Variants in PPP2R2C observed in about 807,000 individuals in gnomAD.
PPP2R2C encodes the protein protein phosphatase 2 regulatory subunit Bgamma.
Under a neutral mutation model 45.3 loss-of-function variants are expected in PPP2R2C, and 10 were observed. That is an observed-to-expected ratio of 0.22 (90% CI 0.14 to 0.37). PPP2R2C has a LOEUF of 0.37. Ranked by LOEUF, PPP2R2C falls within the 10% of genes least tolerant of loss-of-function variation. The pLI is 1.00. For missense variants in PPP2R2C, 308 were observed against 619.7 expected (o/e 0.50, Z 5.34); for synonymous variants, 257 against 245.4 (o/e 1.05, Z -0.44).
chr4:6,494,525 C>T (rs1722811073), intron 2 of PPP2R2C, among the ~76,000 whole-genome samples: 1 of 152,204 alleles, frequency 6.6e-6, no homozygotes, highest in Admixed American at 6.5e-5. Context: ...AGACGGAGGG[C>T]CACCTGGACC....
intron 1 of PPP2R2C, among the ~76,000 whole-genome samples, chr4:6,398,051 C>T (rs4689431): frequency 0.058 from 8,812 of 152,276 alleles, 567 homozygotes; most frequent in African/African-American, 0.15. Flanking sequence ...ACGAGGAAAG[C>T]ACAGTCTTTC....
At position 6,372,545 on chromosome 4, in the gene PPP2R2C, C is replaced by T. The variant is rs1226664832; in HGVS notation, c.603G>A (p.Leu201=). The T allele has an allele frequency of 1.2e-6, 2 of 1,614,204 alleles. No individual in the cohort carries two copies. The highest frequency in any genetic ancestry group is 1.1e-5 in the South Asian group (1 of 91,082). ...TACTGAAGCTCCTGTCGGTGATGGC[C>T]AGGTGCCAGAGGTTGATGCGCAGGT... is the stretch of plus-strand genomic sequence containing the variant. ...ADDLRINLWH[L]AITDRSFNIV... Residue 201 remains leucine, a synonymous_variant, in exon 5 of 9, where the codon CTG becomes CTA. Coordinates refer to ENST00000382599, the MANE Select transcript of PPP2R2C (RefSeq NM_020416.4).
chr4:6,396,270 G>A (rs1717027025), intron 1 of PPP2R2C, among the ~76,000 whole-genome samples: 1 of 152,192 alleles, frequency 6.6e-6, no homozygotes, highest in Non-Finnish European at 1.5e-5. Flanking sequence ...CTGTGGGACA[G>A]CCATGCACCT....
At chr4:6,512,476 G>GTGA in intron 2 of PPP2R2C, among the ~76,000 whole-genome samples, 1 of 112,118 alleles carries the variant, frequency 8.9e-6, no homozygotes, top group Non-Finnish European at 1.9e-5. Flanking sequence ...TATGGTGGTA[G>GTGA]TGGTGGTGAT....
At chr4:6,421,448 A>C (rs1560536119) in intron 1 of PPP2R2C, among the ~76,000 whole-genome samples, 2 of 152,120 alleles carry the variant, frequency 1.3e-5, no homozygotes, top group Non-Finnish European at 2.9e-5. Flanking sequence ...GAGCACCCCA[A>C]GTGACACCTA....
At chr4:6,374,604 C>A (rs959028039) in intron 4 of PPP2R2C, among the ~76,000 whole-genome samples, 4 of 152,206 alleles carry the variant, frequency 2.6e-5, no homozygotes, top group Admixed American at 1.3e-4. Flanking sequence ...TATGGGAGTT[C>A]ACCAAATTGA....
chr4:6,347,536 T>C (rs1377995728), intron 6 of PPP2R2C, among the ~76,000 whole-genome samples: 1 of 151,994 alleles, frequency 6.6e-6, no homozygotes, highest in Non-Finnish European at 1.5e-5. Context: ...CCGGGAAGCT[T>C]TCCTACAGGA....
rs191011171 is a variant in PPP2R2C, at chr4:6,345,960, C to T, written c.790+1886G>A. Reference sequence around the variant, plus strand: ...GAACCCAATACGGGCCTCAGGCTCGCGGGTCTGAAACCTGCCTGCTGGTCC... The same window carrying T: ...GAACCCAATACGGGCCTCAGGCTCGTGGGTCTGAAACCTGCCTGCTGGTCC... On this transcript the variant is annotated intron_variant, in intron 6 of 8. Transcript: ENST00000382599. This position sits in a 1 kb window ranked among gnomAD's most constrained non-coding sequence, Gnocchi z 5.3. 4.1e-4 allele frequency among the ~76,000 whole-genome samples: 63 copies of T among 152,276 alleles called. No homozygotes were observed. Among genetic ancestry groups the T allele is most frequent in the Middle Eastern group, 3.4e-3 (1 of 294 alleles).
chr4:6,374,339 A>G (rs12651287), intron 4 of PPP2R2C, among the ~76,000 whole-genome samples: 25,209 of 152,098 alleles, frequency 0.17, 2,778 homozygotes, highest in East Asian at 0.34. Context: ...CCAGAGCTCA[A>G]AACCAGTTTT....
In PPP2R2C at chr4:6,323,194, C is replaced by A. The variant is rs1643049207; in HGVS notation, c.*108G>T. On this transcript the variant is annotated 3_prime_UTR_variant, in exon 9 of 9. Transcript: ENST00000382599. ...CACACACTGCCACCTCTGCAGCTGT[C>A]CTCATCAGTGCTGTGACTTTCTTCC... The A allele has an allele frequency of 7.4e-7, 1 of 1,349,408 alleles. No homozygotes were observed. The highest frequency in any genetic ancestry group is 2.5e-5 in the East Asian group (1 of 39,628). The allele number at this position is 1,349,408 out of a possible 1,614,324, so 83.6% of individuals were successfully genotyped here.
intron 5 of PPP2R2C, among the ~76,000 whole-genome samples, chr4:6,358,284 T>C (rs1713401869): frequency 6.6e-6 from 1 of 152,232 alleles, no homozygotes; most frequent in African/African-American, 2.4e-5. Flanking sequence ...GCTAGCCATA[T>C]GTAGAAAGCT....
rs921016392 is a variant in PPP2R2C at position 6,320,912 on chromosome 4, G to C, written c.*2390C>G. ...AAGCAGAGCCAGGATGCAAGTCTGTGACTATTACACTGGTCCTTCCACCGT... is the reference window on the plus strand; with the variant it reads ...AAGCAGAGCCAGGATGCAAGTCTGTCACTATTACACTGGTCCTTCCACCGT... On this transcript the variant is annotated 3_prime_UTR_variant, in exon 9 of 9. Coordinates refer to ENST00000382599, the MANE Select transcript of PPP2R2C (RefSeq NM_020416.4). The C allele has an allele frequency of 6.6e-6, 1 of 152,206 alleles. No homozygotes were observed. Among genetic ancestry groups the C allele is most frequent in the Non-Finnish European group, 1.5e-5 (1 of 68,040 alleles). The allele number at this position is 152,206 out of a possible 1,614,324, so 9.4% of individuals were successfully genotyped here.
At chr4:6,349,439 T>C (rs1712325446) in intron 5 of PPP2R2C, 1 of 982,184 alleles carries the variant, frequency 1.0e-6, no homozygotes, top group Admixed American at 6.2e-5. Context: ...ACACACTGCC[T>C]GATGCGTTGC....
In PPP2R2C at chr4:6,414,070, C is replaced by CTG. The variant is rs1383054753; in HGVS notation, c.71-32978_71-32977dup. 1.1e-3 allele frequency: 1,273 copies of CTG among 1,202,388 alleles called. 97 individuals are homozygous for CTG. The highest frequency in any genetic ancestry group is 4.4e-3 in the African/African-American group (247 of 56,296). 74.5% of individuals were successfully genotyped at this position (1,202,388 alleles called of 1,614,324 possible). ...CATGGGACAGTAACATAAGTTTTGCCTGTGTATGTGTGTGTGTGTGTGTGT... is the reference window on the plus strand; with the variant it reads ...CATGGGACAGTAACATAAGTTTTGCCTGTGTGTATGTGTGTGTGTGTGTGTGT... On this transcript the variant is annotated intron_variant, in intron 1 of 8. Coordinates refer to ENST00000382599, the MANE Select transcript of PPP2R2C (RefSeq NM_020416.4).
intron 1 of PPP2R2C, among the ~76,000 whole-genome samples, chr4:6,409,427 C>T (rs2109364139): frequency 6.6e-6 from 1 of 152,308 alleles, no homozygotes. Context: ...TGGTGCCAGG[C>T]ACCAGGCCCA....
rs149148145 is a variant in PPP2R2C at position 6,504,366 on chromosome 4, T to A, written c.49+30905A>T. Among the ~76,000 whole-genome samples the A allele has an allele frequency of 3.2e-3, 492 of 152,140 alleles. 1 individual carries two copies. Among genetic ancestry groups the A allele is most frequent in the African/African-American group, 0.011 (469 of 41,486 alleles). On this transcript the variant is annotated intron_variant, in intron 2 of 9. Transcript: ENST00000506140. ...AAAAACAATACTCTTGGGAGTAACA[T>A]AATAGAACCCAGAGTGTCTACAATG...
At chr4:6,349,405 A>C in intron 5 of PPP2R2C, 1 of 974,384 alleles carries the variant, frequency 1.0e-6, no homozygotes, top group Non-Finnish European at 1.2e-6. Context: ...TTCGCTGTGA[A>C]GATCATCAGA....
intron 5 of PPP2R2C, among the ~76,000 whole-genome samples, chr4:6,362,952 G>T (rs1713935275): frequency 6.6e-6 from 1 of 152,136 alleles, no homozygotes. Flanking sequence ...ATCTGTAAAA[G>T]GGGGATATTA....
In PPP2R2C at chr4:6,347,940, C is replaced by A; in HGVS notation, c.696G>T (p.Pro232=). The change falls in exon 6 of 9, where the codon CCG becomes CCT. Residue 232 remains proline (P), a synonymous_variant. Transcript: ENST00000382599. ...TEVITASEFH[P]HHCNLFVYSS... ...TGTAGACGAAGAGGTTGCAGTGGTGCGGATGGAACTCAGATGCTGTGATCA... is the reference window on the plus strand; with the variant it reads ...TGTAGACGAAGAGGTTGCAGTGGTGAGGATGGAACTCAGATGCTGTGATCA... 1 of 1,614,012 alleles carries A rather than the reference C, an allele frequency of 6.2e-7. No homozygotes were observed. Among genetic ancestry groups the A allele is most frequent in the South Asian group, 1.1e-5 (1 of 91,068 alleles).
Sources: allele counts gnomAD v4.1 joint callset (sites outside exome capture counted in the v4.1 genomes callset), GRCh38; gene constraint gnomAD v4.1.1; non-coding constraint Gnocchi (gnomAD v3.1); transcripts MANE v1.5; gene names NCBI Gene and HGNC (gene_info 2026-07-23, HGNC 2026-07-21).